The following NTN4 variants were observed in gnomAD, a reference collection of about 807,000 sequenced individuals.
NTN4 encodes netrin 4.
Under a neutral mutation model 73.6 loss-of-function variants are expected in NTN4, and 32 were observed. That is an observed-to-expected ratio of 0.44 (90% CI 0.33 to 0.58). The LOEUF (loss-of-function observed/expected upper bound fraction) is 0.58, where lower values mean the gene tolerates loss of function less well. NTN4 is among the 20% of genes least tolerant of loss of function. The probability of loss-of-function intolerance (pLI) is 0.04; values close to 1 mark genes in which losing one functional copy is unlikely to be tolerated. For synonymous variants in NTN4, 258 were observed against 287.5 expected, an observed-to-expected ratio of 0.90 and a Z score of 1.04; for missense variants, 654 against 798.3, an observed-to-expected ratio of 0.82 and a Z score of 2.18.
At chr12:95,757,953 C>A (rs1361544149) in intron 2 of NTN4, among the ~76,000 whole-genome samples, 1 of 152,174 alleles carries the variant, frequency 6.6e-6, no homozygotes, top group Admixed American at 6.5e-5. Flanking sequence ...CAAGAAAGAA[C>A]TGATTGAAGA....
At chr12:95,659,957 T>G (rs1468250101) in intron 9 of NTN4, among the ~76,000 whole-genome samples, 1 of 152,140 alleles carries the variant, frequency 6.6e-6, no homozygotes, top group Non-Finnish European at 1.5e-5. Flanking sequence ...TCAGTACATC[T>G]TGGATACTCA....
chr12:95,726,712 C>T (rs2078697226), intron 3 of NTN4, among the ~76,000 whole-genome samples: 1 of 152,086 alleles, frequency 6.6e-6, no homozygotes, highest in Admixed American at 6.6e-5. Flanking sequence ...CCTGTAATCC[C>T]AGCACTTTGG....
intron 2 of NTN4, among the ~76,000 whole-genome samples, chr12:95,746,423 A>C (rs901962822): frequency 1.3e-5 from 2 of 152,162 alleles, no homozygotes; most frequent in Non-Finnish European, 2.9e-5. Flanking sequence ...GTATAAAAGA[A>C]AATCTAGCCC....
intron 5 of NTN4, among the ~76,000 whole-genome samples, chr12:95,695,608 G>T (rs1321087743): frequency 6.6e-6 from 1 of 152,056 alleles, no homozygotes; most frequent in East Asian, 1.9e-4. Context: ...CAAGTGATCT[G>T]CCCGCCTCGG....
intron 5 of NTN4, among the ~76,000 whole-genome samples, chr12:95,702,134 G>C (rs2078489367): frequency 6.6e-6 from 1 of 151,848 alleles, no homozygotes; most frequent in Non-Finnish European, 1.5e-5. Flanking sequence ...ACAAAAATTA[G>C]CTGGGTGTGG....
intron 3 of NTN4, among the ~76,000 whole-genome samples, chr12:95,729,264 T>C (rs2078718048): frequency 6.6e-6 from 1 of 151,594 alleles, no homozygotes; most frequent in Non-Finnish European, 1.5e-5. Context: ...CATTATAATA[T>C]GTGAGCTATC....
rs374867611 is a variant in NTN4 at position 95,737,820 on chromosome 12, G to A, written c.864+46C>T. 134 of 1,569,242 alleles carry A rather than the reference G, an allele frequency of 8.5e-5. 1 individual carries two copies. Among genetic ancestry groups the A allele is most frequent in the Non-Finnish European group, 6.1e-5 (70 of 1,154,864 alleles). ...TACCAACCAATGCCCAAAGCTGAAG[G>A]TAACTTATGATTTGTTTTTCTTAGG... On this transcript the variant is annotated intron_variant, in intron 3 of 9. Transcript: ENST00000343702.
At position 95,753,829 on chromosome 12, in the gene NTN4, T is replaced by G. The variant is rs200063818; in HGVS notation, c.586-15685A>C. Among the ~76,000 whole-genome samples the G allele has an allele frequency of 9.7e-4, 147 of 152,226 alleles. No individual in the cohort carries two copies. The East Asian group carries it at 0.023, about 24-fold the overall frequency. On this transcript the variant is annotated intron_variant, in intron 2 of 9. Transcript: ENST00000343702. ...TTAAGCTCCTGTATAGACGCTCCTT[T>G]TTATTAGGCCCCAGTCTCATTCGAC...
Position 95,737,932 on chromosome 12 carries a change from G to A in NTN4, c.798C>T (p.Gly266=), listed in dbSNP as rs1482487855. The change falls in exon 3 of 10, where the codon GGC becomes GGT. Residue 266 remains glycine, a synonymous_variant. Coordinates refer to ENST00000343702, the MANE Select transcript of NTN4 (RefSeq NM_021229.4). ...GAACAGGTATGCATTGATCAGCGTG[G>A]CCATTGCAGAAGCAGCTGCCCTTGA... ...FIVKGSCFCN[G]HADQCIPVHG... 4.3e-6 allele frequency: 7 copies of A among 1,614,060 alleles called. No individual in the cohort carries two copies. Among genetic ancestry groups the A allele is most frequent in the East Asian group, 2.2e-5 (1 of 44,884 alleles).
intron 2 of NTN4, among the ~76,000 whole-genome samples, chr12:95,771,060 G>A (rs1396372005): frequency 6.7e-6 from 1 of 148,506 alleles, no homozygotes; most frequent in Non-Finnish European, 1.5e-5. Context: ...CGCGATCTCG[G>A]CTCACTGCAA....
intron 2 of NTN4, among the ~76,000 whole-genome samples, chr12:95,750,926 A>G (rs1287979799): frequency 1.0e-4 from 15 of 148,598 alleles, no homozygotes; most frequent in African/African-American, 2.5e-4. Context: ...ACTCTTAAAA[A>G]GGTGGCTGGA....
chr12:95,755,666 G>T (rs186969990), intron 2 of NTN4, among the ~76,000 whole-genome samples: 4 of 152,168 alleles, frequency 2.6e-5, no homozygotes, highest in Non-Finnish European at 5.9e-5. Flanking sequence ...GCTCTCAATG[G>T]AGCAAGCTGA....
At chr12:95,701,198 A>G (rs1410247855) in intron 5 of NTN4, among the ~76,000 whole-genome samples, 1 of 152,176 alleles carries the variant, frequency 6.6e-6, no homozygotes, top group African/African-American at 2.4e-5. Context: ...AAAGGTTTCA[A>G]GTGAGTTACT....
At chr12:95,701,551 C>T (rs376691457) in intron 5 of NTN4, among the ~76,000 whole-genome samples, 6 of 151,986 alleles carry the variant, frequency 3.9e-5, no homozygotes, top group African/African-American at 1.4e-4. Flanking sequence ...GTGCTGGGTC[C>T]AACAGTAGAC....
At chr12:95,753,644 G>A (rs1359496327) in intron 2 of NTN4, among the ~76,000 whole-genome samples, 22 of 150,850 alleles carry the variant, frequency 1.5e-4, no homozygotes, top group Non-Finnish European at 1.5e-5. Flanking sequence ...TATCCCTTAC[G>A]GTCCTCCGTC....
chr12:95,689,692 C>A (rs779012312), intron 5 of NTN4, among the ~76,000 whole-genome samples: 9 of 152,226 alleles, frequency 5.9e-5, no homozygotes, highest in Admixed American at 5.2e-4. Flanking sequence ...TCCCACCTCA[C>A]CAAATGTGAA....
At chr12:95,788,696 C>A (rs983971513) in intron 1 of NTN4, among the ~76,000 whole-genome samples, 8 of 152,212 alleles carry the variant, frequency 5.3e-5, no homozygotes, top group African/African-American at 1.9e-4. Context: ...CCCCACGAAG[C>A]CTTGCAACTA....
chr12:95,782,450 C>T (rs2079140206), intron 2 of NTN4, among the ~76,000 whole-genome samples: 1 of 151,994 alleles, frequency 6.6e-6, no homozygotes, highest in Admixed American at 6.6e-5. Flanking sequence ...TGTGTGCCAC[C>T]ACACCTGGCT....
chr12:95,778,131 A>T (rs2121290007), intron 2 of NTN4, among the ~76,000 whole-genome samples: 1 of 152,368 alleles, frequency 6.6e-6, no homozygotes, highest in South Asian at 2.1e-4. Flanking sequence ...AAGACACAAC[A>T]TACTAGAATC....
Sources: gnomAD v4.1 joint callset for allele counts (sites outside exome capture counted in the v4.1 genomes callset) on GRCh38, gnomAD v4.1.1 for gene constraint, MANE v1.5 for transcripts, NCBI Gene and HGNC (gene_info 2026-07-23, HGNC 2026-07-21) for gene names.